Variants in WDFY3 observed in about 807,000 individuals in gnomAD.
The protein encoded by WDFY3 is WD repeat and FYVE domain-containing protein 3.
WDFY3 carries 66 observed loss-of-function variants against 409.6 expected under a neutral mutation model. The ratio of observed to expected loss-of-function variants is 0.16; its 90% CI spans 0.13 to 0.20. The LOEUF is 0.20. WDFY3 is among the 10% of genes least tolerant of loss of function. The pLI is 1.00. For synonymous variants in WDFY3, 1,521 were observed against 1,537.1 expected, an observed-to-expected ratio of 0.99 and a Z score of 0.25; for missense variants, 3,031 against 4,298.1, an observed-to-expected ratio of 0.71 and a Z score of 8.24.
At chr4:84,927,353 T>A (rs1292494718) in intron 2 of WDFY3, among the ~76,000 whole-genome samples, 2 of 151,918 alleles carry the variant, frequency 1.3e-5, no homozygotes, top group African/African-American at 4.8e-5. Context: ...ACCTTATAGA[T>A]TAACTCATAC....
At position 84,751,679 on chromosome 4, in the gene WDFY3, TCTG is replaced by T; in HGVS notation, c.5774_5776del (p.Ala1925del). 2 of 1,614,176 alleles carry T rather than the reference TCTG, an allele frequency of 1.2e-6. No individual in the cohort carries two copies. Among genetic ancestry groups the T allele is most frequent in the South Asian group, 2.2e-5 (2 of 91,086 alleles). On this transcript the variant is annotated inframe_deletion, in exon 36 of 68. Transcript: ENST00000295888. Reference sequence around the variant, plus strand: ...GTCTGCTGCAAACGCTTTAAACTCTTCTGCTGGAGATCCAACTTCATCATCAAG... The same window carrying T: ...GTCTGCTGCAAACGCTTTAAACTCTTCTGGAGATCCAACTTCATCATCAAG...
At chr4:84,923,738 C>A (rs946276809) in intron 2 of WDFY3, among the ~76,000 whole-genome samples, 1 of 152,124 alleles carries the variant, frequency 6.6e-6, no homozygotes, top group Non-Finnish European at 1.5e-5. Context: ...ATGGCTCATG[C>A]CTGTAATCCC....
intron 27 of WDFY3, among the ~76,000 whole-genome samples, chr4:84,776,441 T>A (rs1745562025): frequency 6.6e-6 from 1 of 152,054 alleles, no homozygotes; most frequent in Admixed American, 6.6e-5. Flanking sequence ...CAAAATTTAT[T>A]AAGCAACTAA....
intron 47 of WDFY3, among the ~76,000 whole-genome samples, chr4:84,719,696 T>TAC (rs1223127847): frequency 2.6e-5 from 4 of 151,920 alleles, no homozygotes; most frequent in Admixed American, 6.6e-5. Flanking sequence ...CACATACATA[T>TAC]ACACACACAC....
chr4:84,952,978 C>T (rs1773794054), intron 1 of WDFY3, among the ~76,000 whole-genome samples: 1 of 151,998 alleles, frequency 6.6e-6, no homozygotes, highest in African/African-American at 2.4e-5. Flanking sequence ...AGATGCATTC[C>T]TCATGTTCAC....
intron 51 of WDFY3, 114 bp downstream of exon 51, chr4:84,713,038 TAAAAAAA>T: frequency 1.0e-6 from 1 of 999,922 alleles, no homozygotes; most frequent in Non-Finnish European, 1.5e-6. Flanking sequence ...AGTATTTTTT[TAAAAAAA>T]TTTGCAACCA....
At position 84,718,656 on chromosome 4, in the gene WDFY3, A is replaced by G. The variant is rs1298571409; in HGVS notation, c.7606-86T>C. On this transcript the variant is annotated intron_variant, in intron 47 of 67. Coordinates refer to ENST00000295888, the MANE Select transcript of WDFY3 (RefSeq NM_014991.6). ...AGACTACTACGGCATCCCTAGAGCT[A>G]AGCATATTAAATCAGAGTTTAAGCA... The G allele has an allele frequency of 6.2e-6, 9 of 1,445,558 alleles. No individual in the cohort carries two copies. In the East Asian group the frequency reaches 1.1e-4, roughly 18 times the overall value. 89.5% of individuals were successfully genotyped at this position (1,445,558 alleles called of 1,614,324 possible). A position where few individuals can be genotyped will look rare whatever the true frequency, so the allele number is the denominator to read the frequency against.
chr4:84,916,204 A>C (rs1356904222), intron 2 of WDFY3, among the ~76,000 whole-genome samples: 2 of 152,192 alleles, frequency 1.3e-5, no homozygotes, highest in Non-Finnish European at 2.9e-5. Context: ...AAACACAGGC[A>C]AAAGGTAAGT....
intron 7 of WDFY3, among the ~76,000 whole-genome samples, chr4:84,832,519 T>C (rs1204196265): frequency 6.6e-6 from 1 of 152,170 alleles, no homozygotes; most frequent in Non-Finnish European, 1.5e-5. Context: ...AATAAATGTT[T>C]GAGGTGATGG....
At chr4:84,753,000 T>C (rs569728073) in intron 35 of WDFY3, among the ~76,000 whole-genome samples, 19 of 152,302 alleles carry the variant, frequency 1.2e-4, no homozygotes, top group South Asian at 1.2e-3. Context: ...GAACTATTAG[T>C]TACTGTAATG....
intron 60 of WDFY3, 34 bp from the exon 61 acceptor site, chr4:84,690,698 C>T (rs376114846): frequency 4.8e-5 from 75 of 1,578,106 alleles, no homozygotes; most frequent in African/African-American, 3.6e-4. Context: ...ACACACATGC[C>T]GTTAAGTACT....
chr4:84,836,593 CATT>C (rs963319817), intron 7 of WDFY3, among the ~76,000 whole-genome samples: 4 of 151,784 alleles, frequency 2.6e-5, no homozygotes, highest in Non-Finnish European at 5.9e-5. Flanking sequence ...AATTTTGAGA[CATT>C]ATAAGAAATA....
chr4:84,855,326 T>A (rs1759610738), intron 4 of WDFY3, among the ~76,000 whole-genome samples: 1 of 152,208 alleles, frequency 6.6e-6, no homozygotes, highest in South Asian at 2.1e-4. Context: ...TTTCTCAAAC[T>A]GTGCATGAAC....
chr4:84,933,748 G>T (rs1454661811), intron 1 of WDFY3, among the ~76,000 whole-genome samples: 4 of 151,896 alleles, frequency 2.6e-5, no homozygotes, highest in African/African-American at 9.7e-5. Flanking sequence ...TTAATTTTTA[G>T]CTCCCAGAAA....
At position 84,676,212 on chromosome 4, in the gene WDFY3, C is replaced by A. The variant is rs1221245122; in HGVS notation, c.10457+987G>T. Among the ~76,000 whole-genome samples the A allele has an allele frequency of 2.6e-5, 4 of 152,030 alleles. No homozygotes were observed. In the East Asian group the frequency reaches 7.7e-4, roughly 29 times the overall value. ...ACAGCACAGAATATATAAAAGAACT[C>A]CTCAAGGAAAAAAAAAGGGCAAAGT... On this transcript the variant is annotated intron_variant, in intron 67 of 67. Coordinates refer to ENST00000295888, the MANE Select transcript of WDFY3 (RefSeq NM_014991.6).
At chr4:84,785,854 A>G in intron 24 of WDFY3, 125 bp downstream of exon 24, 4 of 1,235,892 alleles carry the variant, frequency 3.2e-6, no homozygotes, top group Non-Finnish European at 4.5e-6. Flanking sequence ...TTAACCAAAC[A>G]TAAACAATAC....
In WDFY3 at chr4:84,740,168, C is replaced by T; in HGVS notation, c.6464+19G>A. 1 of 1,612,136 alleles carries T rather than the reference C, an allele frequency of 6.2e-7. No homozygotes were observed. Among genetic ancestry groups the T allele is most frequent in the Non-Finnish European group, 8.5e-7 (1 of 1,178,388 alleles). The stretch of plus-strand genomic sequence containing the variant: ...TCAAAGCCAAATTTAACATGGCAAA[C>T]TGAACCTAAAGGATTTACCTTCCAA... On this transcript the variant is annotated intron_variant, in intron 39 of 67. Transcript: ENST00000295888.
intron 1 of WDFY3, among the ~76,000 whole-genome samples, chr4:84,933,600 C>T (rs1290041657): frequency 2.0e-5 from 3 of 151,948 alleles, no homozygotes; most frequent in Non-Finnish European, 4.4e-5. Context: ...CCCTATTGTG[C>T]TACCAAATAC....
intron 58 of WDFY3, among the ~76,000 whole-genome samples, chr4:84,694,514 C>A (rs1200510237): frequency 1.3e-5 from 2 of 152,204 alleles, no homozygotes; most frequent in Non-Finnish European, 2.9e-5. Flanking sequence ...ATATGTATTT[C>A]CCCTAGGGTA....
Sources: gnomAD v4.1 joint callset for allele counts (sites outside exome capture counted in the v4.1 genomes callset) on GRCh38, gnomAD v4.1.1 for gene constraint, MANE v1.5 for transcripts, NCBI Gene and HGNC (gene_info 2026-07-23, HGNC 2026-07-21) for gene names.